Variants in GRID2 observed in about 807,000 individuals in gnomAD.
GRID2 encodes glutamate receptor ionotropic, delta-2.
A neutral mutation model predicts 114.8 loss-of-function variants in GRID2; 33 were observed. The observed-to-expected ratio is 0.29, with a 90% CI of 0.22 to 0.38. The LOEUF is 0.38. Among genes scored for constraint, GRID2 ranks in the 10% least tolerant of loss-of-function variants. The probability of loss-of-function intolerance (pLI) is 1.00; values close to 1 mark genes in which losing one functional copy is unlikely to be tolerated. For missense variants in GRID2, 1,184 were observed against 1,257.7 expected (o/e 0.94, Z 0.89); for synonymous variants, 505 against 449.9 (o/e 1.12, Z -1.55).
At chr4:92,544,472 T>A (rs776081083) in intron 1 of GRID2, among the ~76,000 whole-genome samples, 1 of 152,182 alleles carries the variant, frequency 6.6e-6, no homozygotes, top group African/African-American at 2.4e-5. Flanking sequence ...AGCATTTATA[T>A]ACTCAAGTAT....
At chr4:93,023,277 T>G (rs761634736) in intron 2 of GRID2, among the ~76,000 whole-genome samples, 1 of 151,910 alleles carries the variant, frequency 6.6e-6, no homozygotes, top group Non-Finnish European at 1.5e-5. Flanking sequence ...TATGATAGAA[T>G]TTCTCTAGAT....
rs554812060 is a variant in GRID2, at chr4:93,270,602, T to C, written c.1245+32112T>C. ...CCGAGAGAGGATAACATAATATGTA[T>C]TTTCTTCTTCTTGTTTTTGTTTTTG... On this transcript the variant is annotated intron_variant, in intron 8 of 15. Transcript: ENST00000282020. 2.0e-5 allele frequency among the ~76,000 whole-genome samples: 3 copies of C among 152,148 alleles called. No individual in the cohort carries two copies. The East Asian group carries it at 5.8e-4, about 29-fold the overall frequency.
chr4:92,551,270 G>GTC (rs1726572658), intron 1 of GRID2, among the ~76,000 whole-genome samples: 1 of 150,894 alleles, frequency 6.6e-6, no homozygotes, highest in Non-Finnish European at 1.5e-5. Context: ...GTGTGTGTGT[G>GTC]TGTGTGTGTG....
chr4:93,475,717 TA>T (rs1335717823), intron 11 of GRID2, among the ~76,000 whole-genome samples: 1 of 152,170 alleles, frequency 6.6e-6, no homozygotes, highest in Non-Finnish European at 1.5e-5. Flanking sequence ...AACTGCTGCT[TA>T]CCCTTTGAAC....
intron 4 of GRID2, among the ~76,000 whole-genome samples, chr4:93,168,534 AATC>A (rs1738482120): frequency 6.6e-6 from 1 of 152,104 alleles, no homozygotes; most frequent in Admixed American, 6.6e-5. Flanking sequence ...ATTAATAAGA[AATC>A]ATGGGATTCC....
At position 92,989,300 on chromosome 4, in the gene GRID2, A is replaced by AAAAT. The variant is rs1553962743; in HGVS notation, c.245-95693_245-95692insATAA. Among the ~76,000 whole-genome samples, 63 of 92,258 alleles carry AAAAT rather than the reference A, an allele frequency of 6.8e-4. 2 individuals are homozygous for AAAAT. The highest frequency in any genetic ancestry group is 2.5e-3 in the African/African-American group (56 of 22,746). The allele number at this position is 92,258 out of a possible 152,430, so 60.5% of individuals were successfully genotyped here. A position where few individuals can be genotyped will look rare whatever the true frequency, so the allele number is the denominator to read the frequency against. ...TCAAAAAAAAAAAAAAAAAAAAAAA[A>AAAAT]AATAATAATAATAATCCCATAGCTA... On this transcript the variant is annotated intron_variant, in intron 2 of 15. Coordinates refer to ENST00000282020, the MANE Select transcript of GRID2 (RefSeq NM_001510.4).
At chr4:93,074,666 A>C (rs1729101534) in intron 2 of GRID2, among the ~76,000 whole-genome samples, 1 of 152,198 alleles carries the variant, frequency 6.6e-6, no homozygotes, top group Non-Finnish European at 1.5e-5. Flanking sequence ...AATGAGATAG[A>C]GAACAGAAGC....
At chr4:92,819,224 C>T (rs1741108961) in intron 2 of GRID2, among the ~76,000 whole-genome samples, 1 of 152,086 alleles carries the variant, frequency 6.6e-6, no homozygotes, top group South Asian at 2.1e-4. Flanking sequence ...GCTGTTTATA[C>T]ATCACAATCA....
chr4:92,660,518 A>G (rs62309221), intron 2 of GRID2, among the ~76,000 whole-genome samples: 9,199 of 151,200 alleles, frequency 0.061, 338 homozygotes, highest in East Asian at 0.16. Context: ...TTCCTTACCA[A>G]GCGATTAGCA....
intron 2 of GRID2, among the ~76,000 whole-genome samples, chr4:92,895,370 C>A (rs1161424786): frequency 1.5e-5 from 1 of 65,432 alleles, no homozygotes; most frequent in Non-Finnish European, 2.8e-5. Context: ...TGAATTGACA[C>A]ATCATGTAGA....
rs537177640 is a variant in GRID2 at position 93,704,043 on chromosome 4, C to T, written c.2361-65167C>T. Among the ~76,000 whole-genome samples the T allele has an allele frequency of 5.3e-5, 8 of 152,078 alleles. No individual in the cohort carries two copies. In the East Asian group the frequency reaches 5.8e-4, roughly 11 times the overall value. ...GGATGGCTGGGTCAAATGGTATTTC[C>T]AGTTCTAGATCCCTGAGGAATCGCC... is the stretch of plus-strand genomic sequence containing the variant. On this transcript the variant is annotated intron_variant, in intron 14 of 15. Transcript: ENST00000282020.
In GRID2 at chr4:93,323,109, G is replaced by T. The variant is rs551443075; in HGVS notation, c.1246-72498G>T. 1.1e-3 allele frequency among the ~76,000 whole-genome samples: 166 copies of T among 152,256 alleles called. No individual in the cohort carries two copies. In the Middle Eastern group the frequency reaches 0.017, roughly 16 times the overall value. ...CCATTGCTTTTGGTGTTTTCGTCAG[G>T]AAGTCCTTGCCCATGCTTCTGTCCT... On this transcript the variant is annotated intron_variant, in intron 8 of 15. Transcript: ENST00000282020.
At chr4:93,111,566 G>A (rs1364531242) in intron 4 of GRID2, among the ~76,000 whole-genome samples, 1 of 152,000 alleles carries the variant, frequency 6.6e-6, no homozygotes, top group Non-Finnish European at 1.5e-5. Flanking sequence ...TCTAGTGATA[G>A]GTATAACATC....
chr4:92,948,111 A>C (rs571832529), intron 2 of GRID2, among the ~76,000 whole-genome samples: 44 of 152,022 alleles, frequency 2.9e-4, no homozygotes, highest in Non-Finnish European at 4.3e-4. Context: ...TAATTTTTTT[A>C]TAAAGCCATT....
At chr4:93,235,874 A>T (rs1746724313) in intron 7 of GRID2, among the ~76,000 whole-genome samples, 1 of 152,106 alleles carries the variant, frequency 6.6e-6, no homozygotes, top group South Asian at 2.1e-4. Flanking sequence ...ATTGAAAATA[A>T]TAACACAACA....
chr4:93,256,058 C>G, intron 8 of GRID2, among the ~76,000 whole-genome samples: 1 of 152,020 alleles, frequency 6.6e-6, no homozygotes, highest in Non-Finnish European at 1.5e-5. Flanking sequence ...ACCCTGATTG[C>G]TGAAATACAA....
At chr4:92,455,482 T>C (rs746895570) in intron 1 of GRID2, among the ~76,000 whole-genome samples, 1 of 152,152 alleles carries the variant, frequency 6.6e-6, no homozygotes. Context: ...GAACCTAGTG[T>C]TGGGCCTGGG....
chr4:92,466,826 A>G (rs963094230), intron 1 of GRID2, among the ~76,000 whole-genome samples: 1 of 151,594 alleles, frequency 6.6e-6, no homozygotes, highest in African/African-American at 2.4e-5. Flanking sequence ...ACATATATAT[A>G]TATATGTGTG....
chr4:92,546,841 A>C (rs1203667380), intron 1 of GRID2, among the ~76,000 whole-genome samples: 1 of 152,176 alleles, frequency 6.6e-6, no homozygotes, highest in Non-Finnish European at 1.5e-5. Flanking sequence ...AGACCTTGAG[A>C]ATGATTTTCA....
Sources: allele counts gnomAD v4.1 joint callset (sites outside exome capture counted in the v4.1 genomes callset), GRCh38; gene constraint gnomAD v4.1.1; transcripts MANE v1.5; gene names NCBI Gene and HGNC (gene_info 2026-07-23, HGNC 2026-07-21).